EYS: variants seen among roughly 807,000 people sequenced by gnomAD.
EYS encodes protein eyes shut homolog.
In EYS, 250 loss-of-function variants were observed where a neutral mutation model predicts 282.1. The observed-to-expected ratio is 0.89, with a 90% CI of 0.80 to 0.98. EYS has a LOEUF of 0.98. EYS is among the 50% of genes least tolerant of loss of function. EYS has a pLI of 0.00. For synonymous variants in EYS, 1,355 were observed against 1,282.9 expected (o/e 1.06, Z -1.20); for missense variants, 4,016 against 3,709.0 (o/e 1.08, Z -2.15).
intron 29 of EYS, among the ~76,000 whole-genome samples, chr6:64,314,215 A>AAAAAC (rs1183053729): frequency 6.7e-6 from 1 of 150,064 alleles, no homozygotes; most frequent in East Asian, 1.9e-4. Flanking sequence ...AAAAAAAAAA[A>AAAAAC]AAAGCAGGGG....
chr6:65,334,176 C>A (rs1190959696), intron 11 of EYS, among the ~76,000 whole-genome samples: 3 of 151,698 alleles, frequency 2.0e-5, no homozygotes, highest in Non-Finnish European at 4.4e-5. Context: ...TCTTATATCT[C>A]TTTTGTACCT....
chr6:64,654,030 C>G (rs1012493355), intron 22 of EYS, among the ~76,000 whole-genome samples: 12 of 152,024 alleles, frequency 7.9e-5, no homozygotes, highest in Non-Finnish European at 1.6e-4. Flanking sequence ...AAATCATTTC[C>G]TTTCCTATAT....
chr6:65,684,387 G>A (rs191259367), intron 1 of EYS, among the ~76,000 whole-genome samples: 245 of 152,076 alleles, frequency 1.6e-3, no homozygotes, highest in African/African-American at 5.6e-3. Context: ...TGGTGGGAGG[G>A]GGTCCTTTTC....
intron 39 of EYS, among the ~76,000 whole-genome samples, chr6:63,781,699 G>A (rs932540614): frequency 1.3e-5 from 2 of 152,110 alleles, no homozygotes; most frequent in Non-Finnish European, 2.9e-5. Context: ...CTGCAAACAG[G>A]GACAATCTTA....
chr6:64,882,350 G>A (rs1169928014), intron 19 of EYS, among the ~76,000 whole-genome samples: 2 of 151,702 alleles, frequency 1.3e-5, no homozygotes, highest in African/African-American at 2.4e-5. Flanking sequence ...TACATTATAT[G>A]GAATTCATTA....
chr6:65,128,782 A>G (rs1015081218), intron 12 of EYS, among the ~76,000 whole-genome samples: 2 of 152,030 alleles, frequency 1.3e-5, no homozygotes, highest in Non-Finnish European at 2.9e-5. Context: ...CCATACTAAC[A>G]ACTTGATTTT....
At chr6:64,045,428 T>TTTTATTTTA (rs869309320) in intron 33 of EYS, among the ~76,000 whole-genome samples, 10 of 134,554 alleles carry the variant, frequency 7.4e-5, no homozygotes, top group Non-Finnish European at 1.3e-4. Flanking sequence ...TTTTATTTTA[T>TTTTATTTTA]TTTATTTTAT....
At chr6:64,474,476 A>G (rs766945654) in intron 26 of EYS, among the ~76,000 whole-genome samples, 1 of 152,222 alleles carries the variant, frequency 6.6e-6, no homozygotes, top group Non-Finnish European at 1.5e-5. Context: ...AATATGAAAG[A>G]ACATTTTAAA....
At chr6:64,112,004 G>A (rs1773220133) in intron 31 of EYS, among the ~76,000 whole-genome samples, 1 of 151,928 alleles carries the variant, frequency 6.6e-6, no homozygotes, top group African/African-American at 2.4e-5. Flanking sequence ...TTTTAATTGA[G>A]TTGCTCTGTT....
At chr6:64,798,607 G>GTT (rs57597318) in intron 22 of EYS, among the ~76,000 whole-genome samples, 5,626 of 106,748 alleles carry the variant, frequency 0.053, 219 homozygotes, top group East Asian at 0.075. Flanking sequence ...TTTGTTTCTG[G>GTT]TTTTTTTTTT....
chr6:64,442,843 GGAGTTTGCTATAGGGGCAATGTCCTCAT>G (rs1774996115), intron 26 of EYS, among the ~76,000 whole-genome samples: 7 of 151,898 alleles, frequency 4.6e-5, no homozygotes, highest in Admixed American at 3.3e-4. Flanking sequence ...TGCCCAGGCA[GGAGTTTGCTATAGGGGCAATGTCCTCAT>G]GGAGAACTTC....
chr6:64,767,033 G>T (rs973152809), intron 22 of EYS, among the ~76,000 whole-genome samples: 11 of 151,618 alleles, frequency 7.3e-5, no homozygotes, highest in African/African-American at 2.7e-4. Flanking sequence ...TATCACTGGG[G>T]TTAACCTCAC....
chr6:64,441,011 A>C (rs1434980907), intron 26 of EYS, among the ~76,000 whole-genome samples: 1 of 152,172 alleles, frequency 6.6e-6, no homozygotes, highest in Non-Finnish European at 1.5e-5. Context: ...GCAAGAACAA[A>C]TATCAAATTT....
chr6:65,531,388 A>T (rs1306579634), intron 2 of EYS, among the ~76,000 whole-genome samples: 3 of 152,210 alleles, frequency 2.0e-5, no homozygotes, highest in African/African-American at 7.2e-5. Context: ...TGAGTGAAAT[A>T]CAAAGGTCTA....
At chr6:64,247,292 A>G (rs1404187929) in intron 30 of EYS, among the ~76,000 whole-genome samples, 1 of 152,216 alleles carries the variant, frequency 6.6e-6, no homozygotes, top group Non-Finnish European at 1.5e-5. Context: ...AGCTCTAGCC[A>G]TAAGAACATA....
intron 29 of EYS, among the ~76,000 whole-genome samples, chr6:64,307,702 G>A (rs867280076): frequency 1.3e-5 from 2 of 152,032 alleles, no homozygotes; most frequent in Admixed American, 1.3e-4. Context: ...TGAATGAATA[G>A]ATTTTAGCTG....
intron 26 of EYS, among the ~76,000 whole-genome samples, chr6:64,559,024 TTTTG>T (rs1765319664): frequency 6.6e-6 from 1 of 152,154 alleles, no homozygotes; most frequent in Non-Finnish European, 1.5e-5. Context: ...TTTTAAATAT[TTTTG>T]TTTGTTTGAT....
At chr6:64,940,472 A>G (rs981712134) in intron 15 of EYS, among the ~76,000 whole-genome samples, 2 of 152,090 alleles carry the variant, frequency 1.3e-5, no homozygotes, top group African/African-American at 2.4e-5. Context: ...TTAATGTAAG[A>G]AAAATAAAAC....
At chr6:64,316,617 T>C (rs1769975970) in intron 29 of EYS, among the ~76,000 whole-genome samples, 1 of 152,052 alleles carries the variant, frequency 6.6e-6, no homozygotes, top group Admixed American at 6.6e-5. Context: ...AGAATCAGTA[T>C]TCTAAAATGG....
Sources: gnomAD v4.1 joint callset for allele counts (sites outside exome capture counted in the v4.1 genomes callset) on GRCh38, gnomAD v4.1.1 for gene constraint, MANE v1.5 for transcripts, NCBI Gene and HGNC (gene_info 2026-07-23, HGNC 2026-07-21) for gene names.